EMP1: variants seen among roughly 807,000 people sequenced by gnomAD.
EMP1 encodes tumor-associated membrane protein.
EMP1 carries 5 observed loss-of-function variants against 15.7 expected under a neutral mutation model. That is an observed-to-expected ratio of 0.32 (90% CI 0.17 to 0.67). The LOEUF (loss-of-function observed/expected upper bound fraction) is 0.67. Ranked by LOEUF, EMP1 falls within the 30% of genes least tolerant of loss-of-function variation. EMP1 has a pLI of 0.74. For missense variants in EMP1, 166 were observed against 194.2 expected, an observed-to-expected ratio of 0.85 and a Z score of 0.86; for synonymous variants, 78 against 76.7, an observed-to-expected ratio of 1.02 and a Z score of -0.09.
chr12:13,198,847 C>T (rs951763110), intron 1 of EMP1, among the ~76,000 whole-genome samples: 4 of 152,214 alleles, frequency 2.6e-5, no homozygotes, highest in Non-Finnish European at 4.4e-5. Flanking sequence ...CTGATTCCTG[C>T]TCTCTGCTCT....
rs935808682 is a variant in EMP1 at position 13,219,802 on chromosome 12, T to G, written c.*5111T>G. ...AGGAATGTGTTAGTTCTAAAAATTT[T>G]CTTAAGTTGTTTGCTTGGAACTCAG... On this transcript the variant is annotated 3_prime_UTR_variant, in exon 5 of 5. Coordinates refer to ENST00000256951, the MANE Select transcript of EMP1 (RefSeq NM_001423.3). The G allele has an allele frequency of 3.9e-5, 6 of 152,240 alleles. No individual in the cohort carries two copies. The highest frequency in any genetic ancestry group is 5.9e-5 in the Non-Finnish European group (4 of 68,036). The allele number at this position is 152,240 out of a possible 1,614,324, so 9.4% of individuals were successfully genotyped here. A position where few individuals can be genotyped will look rare whatever the true frequency, so the allele number is the denominator to read the frequency against.
rs777922457 is a variant in EMP1, at chr12:13,213,912, T to A, written c.316+91T>A. The A allele has an allele frequency of 1.9e-6, 3 of 1,550,568 alleles. No homozygotes were observed. In the South Asian group the frequency reaches 3.3e-5, roughly 17 times the overall value. On this transcript the variant is annotated intron_variant, in intron 4 of 4. Transcript: ENST00000256951. ...CAACTTGAACAGATTAGCACATGGTTCAGTGAAACTTCCTTGTGCAATTTT... is the reference window on the plus strand; with the variant it reads ...CAACTTGAACAGATTAGCACATGGTACAGTGAAACTTCCTTGTGCAATTTT...
Position 13,211,412 on chromosome 12 carries a change from G to A in EMP1, c.-42-57G>A. On this transcript the variant is annotated intron_variant, in intron 1 of 4. Transcript: ENST00000256951. This position sits in a 1 kb window ranked among gnomAD's most constrained non-coding sequence, Gnocchi z 4.7. ...GATAGCCCACACGTGTGGGAAAGCT[G>A]AGTCGTCTTATTGAATCTGACAGTA... The A allele has an allele frequency of 1.6e-6, 2 of 1,212,460 alleles. No homozygotes were observed. The highest frequency in any genetic ancestry group is 2.4e-6 in the Non-Finnish European group (2 of 828,506). 75.1% of individuals were successfully genotyped at this position (1,212,460 alleles called of 1,614,324 possible).
chr12:13,207,929 A>G (rs1864129054), intron 1 of EMP1, among the ~76,000 whole-genome samples: 1 of 152,248 alleles, frequency 6.6e-6, no homozygotes, highest in African/African-American at 2.4e-5. Context: ...GGAACTGCTC[A>G]GTGCACCAAA....
Position 13,219,700 on chromosome 12 carries a change from G to A in EMP1, c.*5009G>A, listed in dbSNP as rs1042011929. ...GACTGTCTACACTTGGCACATGAGG[G>A]ACTTTATGATATTAAGAGATTAATT... On this transcript the variant is annotated 3_prime_UTR_variant, in exon 5 of 5. Coordinates refer to ENST00000256951, the MANE Select transcript of EMP1 (RefSeq NM_001423.3). 4 of 152,282 alleles carry A rather than the reference G, an allele frequency of 2.6e-5. No homozygotes were observed. The highest frequency in any genetic ancestry group is 4.1e-4 in the South Asian group (2 of 4,826). 9.4% of individuals were successfully genotyped at this position (152,282 alleles called of 1,614,324 possible). A position where few individuals can be genotyped will look rare whatever the true frequency, so the allele number is the denominator to read the frequency against.
chr12:13,202,167 C>T (rs1864071767), intron 1 of EMP1, among the ~76,000 whole-genome samples: 1 of 152,186 alleles, frequency 6.6e-6, no homozygotes, highest in African/African-American at 2.4e-5. Context: ...TCCTTCCACT[C>T]TTGTTTGGGG....
chr12:13,213,739 C>T lies in EMP1; in HGVS notation c.234C>T (p.Ala78=). 1 of 1,614,172 alleles carries T rather than the reference C, an allele frequency of 6.2e-7. No individual in the cohort carries two copies. The highest frequency in any genetic ancestry group is 8.5e-7 in the Non-Finnish European group (1 of 1,180,044). Residue 78 remains alanine, a synonymous_variant, in exon 4 of 5, where the codon GCC becomes GCT. Coordinates refer to ENST00000256951, the MANE Select transcript of EMP1 (RefSeq NM_001423.3). ...MILSIIFCVI[A]LLVFVFQLFT... ...TCTCTATCATCTTCTGTGTCATTGC[C>T]CTCCTGGTCTTCGTGTTCCAGCTCT... is the stretch of plus-strand genomic sequence containing the variant.
intron 1 of EMP1, among the ~76,000 whole-genome samples, chr12:13,208,270 A>G (rs1022388973): frequency 3.9e-5 from 6 of 152,200 alleles, no homozygotes; most frequent in Admixed American, 3.9e-4. Context: ...GGGTGGGTGG[A>G]AGTTTCAGGA....
chr12:13,214,670 T>C lies in EMP1; in HGVS notation c.453T>C (p.Tyr151=). 6.2e-7 allele frequency: 1 copy of C among 1,613,148 alleles called. No homozygotes were observed. The highest frequency in any genetic ancestry group is 8.5e-7 in the Non-Finnish European group (1 of 1,179,778). Residue 151 remains tyrosine (Y), a synonymous_variant, in exon 5 of 5, where the codon TAT becomes TAC. Coordinates refer to ENST00000256951, the MANE Select transcript of EMP1 (RefSeq NM_001423.3). ...TCAGCTTCATCATCGGCGTTCTCTATCTGGTCCTGAGAAAGAAATAAGGCC... is the reference window on the plus strand; with the variant it reads ...TCAGCTTCATCATCGGCGTTCTCTACCTGGTCCTGAGAAAGAAATAAGGCC... ...FCFSFIIGVL[Y]LVLRKK
chr12:13,214,292 T>A, intron 4 of EMP1: 1 of 615,660 alleles, frequency 1.6e-6, no homozygotes, highest in Non-Finnish European at 2.8e-6. Context: ...GGTTCTGTGT[T>A]TTACATCACA....
chr12:13,210,660 T>C (rs1385290129), intron 1 of EMP1, among the ~76,000 whole-genome samples: 2 of 152,264 alleles, frequency 1.3e-5, no homozygotes, highest in Non-Finnish European at 2.9e-5. Flanking sequence ...AAGGCACATT[T>C]GGTGCTATCT....
chr12:13,214,684 A>G lies in EMP1; in HGVS notation c.467A>G (p.Lys156Arg). The G allele has an allele frequency of 6.2e-7, 1 of 1,608,738 alleles. No individual in the cohort carries two copies. Among genetic ancestry groups the G allele is most frequent in the South Asian group, 1.1e-5 (1 of 90,924 alleles). The change falls in exon 5 of 5, where the codon AAG becomes AGG. Residue 156 changes from lysine (K) to arginine (R), a missense_variant. By Grantham distance (26) the Lys-to-Arg change is conservative (BLOSUM62 2). Coordinates refer to ENST00000256951, the MANE Select transcript of EMP1 (RefSeq NM_001423.3). ...GGCGTTCTCTATCTGGTCCTGAGAA[A>G]GAAATAAGGCCGGACGAGTTCATGG... ...IIGVLYLVLR[K>R]K is the part of the protein sequence containing the mutation.
In EMP1 at chr12:13,214,525, C is replaced by A. The variant is rs780566249; in HGVS notation, c.317-9C>A. On this transcript the variant is annotated splice_polypyrimidine_tract_variant and intron_variant, in intron 4 of 4. Transcript: ENST00000256951. ...AAAACACACCGACAAATCTCCTTTT[C>A]CCCTGCAGGGCTGTGCATTCTTGTG... The A allele has an allele frequency of 6.2e-6, 10 of 1,610,852 alleles. No homozygotes were observed. In the South Asian group the frequency reaches 1.1e-4, roughly 18 times the overall value.
intron 1 of EMP1, chr12:13,209,701 G>C (rs1268104813): frequency 6.6e-6 from 1 of 152,058 alleles, no homozygotes; most frequent in Non-Finnish European, 1.5e-5. Context: ...ACAGATGAGC[G>C]GTCAAATAAC....
At position 13,211,894 on chromosome 12, in the gene EMP1, G is replaced by A. The variant is rs566424233; in HGVS notation, c.78+306G>A. ...GGTGAGTGGAGCTTGAGGTGAACCT[G>A]GAGGAGTGGTAGATGGCTGAGGTTT... On this transcript the variant is annotated intron_variant, in intron 2 of 4. Transcript: ENST00000256951. The surrounding 1 kb of genome is among the most constrained non-coding windows in gnomAD (Gnocchi z 4.7). 5.9e-4 allele frequency: 215 copies of A among 364,816 alleles called. 2 individuals carry two copies. In the South Asian group the frequency reaches 7.1e-3, roughly 12 times the overall value. The allele number at this position is 364,816 out of a possible 1,614,324, so 22.6% of individuals were successfully genotyped here.
chr12:13,199,111 G>T (rs1468967739), intron 1 of EMP1: 6 of 152,376 alleles, frequency 3.9e-5, no homozygotes, highest in Non-Finnish European at 8.8e-5. Flanking sequence ...TGTCTTGGGA[G>T]TTGGCAAAAG....
intron 1 of EMP1, among the ~76,000 whole-genome samples, chr12:13,204,854 G>T (rs1486797844): frequency 6.6e-6 from 1 of 152,196 alleles, no homozygotes; most frequent in Admixed American, 6.5e-5. Context: ...GTAATCTCAG[G>T]ACTGTGTTAT....
rs147814045 is a variant in EMP1 at position 13,211,428 on chromosome 12, T to A, written c.-42-41T>A. On this transcript the variant is annotated intron_variant, in intron 1 of 4. Coordinates refer to ENST00000256951, the MANE Select transcript of EMP1 (RefSeq NM_001423.3). This position sits in a 1 kb window ranked among gnomAD's most constrained non-coding sequence, Gnocchi z 4.7. ...GGGAAAGCTGAGTCGTCTTATTGAATCTGACAGTAACCGTTTTTGTCCCTT... is the reference window on the plus strand; with the variant it reads ...GGGAAAGCTGAGTCGTCTTATTGAAACTGACAGTAACCGTTTTTGTCCCTT... The A allele has an allele frequency of 1.3e-4, 191 of 1,427,472 alleles. No individual in the cohort carries two copies. The African/African-American group carries it at 2.4e-3, about 18-fold the overall frequency. 88.4% of individuals were successfully genotyped at this position (1,427,472 alleles called of 1,614,324 possible).
rs1466603758 is a variant in EMP1 at position 13,217,994 on chromosome 12, C to G, written c.*3303C>G. On this transcript the variant is annotated 3_prime_UTR_variant, in exon 5 of 5. Coordinates refer to ENST00000256951, the MANE Select transcript of EMP1 (RefSeq NM_001423.3). ...AAAAAATATTTGTTGAATTAAATGT[C>G]TTAGGTAGAGACAAATTGAATTAAA... The G allele has an allele frequency of 1.3e-5, 2 of 152,042 alleles. No homozygotes were observed. Among genetic ancestry groups the G allele is most frequent in the African/African-American group, 4.8e-5 (2 of 41,384 alleles). The allele number at this position is 152,042 out of a possible 1,614,324, so 9.4% of individuals were successfully genotyped here.
Sources: allele counts gnomAD v4.1 joint callset (sites outside exome capture counted in the v4.1 genomes callset), GRCh38; gene constraint gnomAD v4.1.1; non-coding constraint Gnocchi (gnomAD v3.1); transcripts MANE v1.5; gene names NCBI Gene and HGNC (gene_info 2026-07-23, HGNC 2026-07-21).